Variants in GALNT17 observed in about 807,000 individuals in gnomAD.
GALNT17 encodes polypeptide N-acetylgalactosaminyltransferase 17, also known as UDP-GalNAc:polypeptide N-acetylgalactosaminyltransferase-like 3.
A neutral mutation model predicts 63.7 loss-of-function variants in GALNT17; 29 were observed. The observed-to-expected ratio is 0.46, with a 90% confidence interval of 0.34 to 0.62. The LOEUF is 0.62. Ranked by LOEUF, GALNT17 falls within the 20% of genes least tolerant of loss-of-function variation. The pLI, the probability that GALNT17 is intolerant of heterozygous loss-of-function variation, is 0.01. For missense variants in GALNT17, 603 were observed against 799.6 expected (o/e 0.75, Z 2.97); for synonymous variants, 305 against 318.3 (o/e 0.96, Z 0.45).
intron 1 of GALNT17, among the ~76,000 whole-genome samples, chr7:71,277,885 T>TA (rs2115735113): frequency 6.6e-6 from 1 of 152,344 alleles, no homozygotes; most frequent in South Asian, 2.1e-4. Flanking sequence ...ACATTTCACT[T>TA]ACACCAAGGG....
At chr7:71,444,557 C>T (rs566413604) in intron 5 of GALNT17, among the ~76,000 whole-genome samples, 1 of 152,308 alleles carries the variant, frequency 6.6e-6, no homozygotes, top group Non-Finnish European at 1.5e-5. Context: ...AACTGAGGGC[C>T]GGGTGCAGTG....
At chr7:71,554,482 G>A (rs954411643) in intron 5 of GALNT17, among the ~76,000 whole-genome samples, 1 of 152,254 alleles carries the variant, frequency 6.6e-6, no homozygotes, top group Non-Finnish European at 1.5e-5. Flanking sequence ...TGTATTAGCA[G>A]TGTGAGAACT....
chr7:71,636,804 G>A (rs1284264707), intron 6 of GALNT17, among the ~76,000 whole-genome samples: 1 of 152,168 alleles, frequency 6.6e-6, no homozygotes, highest in East Asian at 1.9e-4. Flanking sequence ...TCAATCCCAG[G>A]TTGTGGTTTT....
At chr7:71,640,324 AT>A (rs561853085) in intron 6 of GALNT17, among the ~76,000 whole-genome samples, 121 of 148,926 alleles carry the variant, frequency 8.1e-4, no homozygotes, top group Non-Finnish European at 1.3e-3. Context: ...TGCATTCTAC[AT>A]TTTTTTTTTA....
intron 9 of GALNT17, among the ~76,000 whole-genome samples, chr7:71,684,219 G>A (rs781029367): frequency 1.4e-4 from 22 of 152,196 alleles, no homozygotes; most frequent in Non-Finnish European, 2.2e-4. Context: ...TACCCTGCAC[G>A]GAGAGCACCC....
At chr7:71,204,634 C>G (rs897485788) in intron 1 of GALNT17, among the ~76,000 whole-genome samples, 1 of 148,686 alleles carries the variant, frequency 6.7e-6, no homozygotes, top group Non-Finnish European at 1.5e-5. Context: ...GGCACAATAT[C>G]AGCTCACTGC....
chr7:71,241,948 G>C (rs1446366084), intron 1 of GALNT17, among the ~76,000 whole-genome samples: 1 of 152,134 alleles, frequency 6.6e-6, no homozygotes, highest in Admixed American at 6.6e-5. Flanking sequence ...TTTGGCTCAT[G>C]GTTCTGCAGA....
chr7:71,515,202 T>C (rs760175642), intron 5 of GALNT17, among the ~76,000 whole-genome samples: 11 of 152,120 alleles, frequency 7.2e-5, no homozygotes, highest in Non-Finnish European at 1.5e-4. Flanking sequence ...CCATGATTGG[T>C]TCACAAAGGA....
chr7:71,314,088 C>T (rs981084441), intron 1 of GALNT17, among the ~76,000 whole-genome samples: 4 of 152,182 alleles, frequency 2.6e-5, no homozygotes, highest in African/African-American at 9.7e-5. Flanking sequence ...GAATGTTACC[C>T]TTCATTCTTG....
intron 6 of GALNT17, among the ~76,000 whole-genome samples, chr7:71,604,520 A>C (rs1460969038): frequency 6.6e-6 from 1 of 152,210 alleles, no homozygotes; most frequent in Non-Finnish European, 1.5e-5. Flanking sequence ...TCTTATTCTT[A>C]TTAGCATTTC....
intron 2 of GALNT17, among the ~76,000 whole-genome samples, chr7:71,367,351 G>A (rs1051313859): frequency 1.3e-5 from 2 of 152,166 alleles, no homozygotes; most frequent in African/African-American, 4.8e-5. Context: ...CAAATCCCAA[G>A]CGCTGGCCAT....
intron 1 of GALNT17, among the ~76,000 whole-genome samples, chr7:71,225,745 T>TC (rs1305444042): frequency 6.6e-6 from 1 of 152,192 alleles, no homozygotes; most frequent in Non-Finnish European, 1.5e-5. Flanking sequence ...ATGCTGTCAT[T>TC]CCCCGGGAAA....
chr7:71,319,897 C>T (rs977488832), intron 1 of GALNT17, among the ~76,000 whole-genome samples: 5 of 152,174 alleles, frequency 3.3e-5, no homozygotes, highest in African/African-American at 4.8e-5. Flanking sequence ...GTGTCTCATG[C>T]TTCTTGGATC....
chr7:71,143,397 G>A (rs1224974983), intron 1 of GALNT17, among the ~76,000 whole-genome samples: 3 of 129,052 alleles, frequency 2.3e-5, no homozygotes, highest in East Asian at 2.4e-4. Context: ...ACTCCAGAGC[G>A]AGACTGTCTC....
intron 3 of GALNT17, among the ~76,000 whole-genome samples, chr7:71,408,996 A>G (rs1793381417): frequency 6.9e-6 from 1 of 145,958 alleles, no homozygotes; most frequent in Non-Finnish European, 1.5e-5. Flanking sequence ...ATACACACAT[A>G]CATATATATG....
At chr7:71,365,419 T>C (rs1294443645) in intron 2 of GALNT17, among the ~76,000 whole-genome samples, 2 of 152,058 alleles carry the variant, frequency 1.3e-5, no homozygotes, top group African/African-American at 2.4e-5. Flanking sequence ...TTTGTAGTTT[T>C]AGTAGAGATG....
chr7:71,397,887 T>C (rs908207773), intron 3 of GALNT17, among the ~76,000 whole-genome samples: 2 of 152,348 alleles, frequency 1.3e-5, no homozygotes, highest in Admixed American at 1.3e-4. Context: ...ATGGTGTCGT[T>C]GAGTTAGATG....
chr7:71,338,243 C>T (rs998709227), intron 2 of GALNT17, among the ~76,000 whole-genome samples: 3 of 151,990 alleles, frequency 2.0e-5, no homozygotes, highest in Admixed American at 6.6e-5. Context: ...AGGAGAATGG[C>T]GTGAACCCGG....
chr7:71,289,834 G>A lies in GALNT17; in HGVS notation c.239-45716G>A, dbSNP rs141718732. 7.3e-3 allele frequency among the ~76,000 whole-genome samples: 1,112 copies of A among 151,670 alleles called. 2 individuals carry two copies. Among genetic ancestry groups the A allele is most frequent in the Non-Finnish European group, 0.012 (814 of 67,934 alleles). ...GCGGAGGTTGTGGTGAGCCAAGATC[G>A]TGCCGTTGCATTCCAGCCTGGGCAA... On this transcript the variant is annotated intron_variant, in intron 1 of 10. Coordinates refer to ENST00000333538, the MANE Select transcript of GALNT17 (RefSeq NM_022479.3).
Sources: allele counts gnomAD v4.1 joint callset (sites outside exome capture counted in the v4.1 genomes callset), GRCh38; gene constraint gnomAD v4.1.1; transcripts MANE v1.5; gene names NCBI Gene and HGNC (gene_info 2026-07-23, HGNC 2026-07-21).